KIF17: variants seen among roughly 807,000 people sequenced by gnomAD.
KIF17 encodes kinesin family member 17.
A neutral mutation model predicts 96.8 loss-of-function variants in KIF17; 80 were observed. That is an observed-to-expected ratio of 0.83 (90% CI 0.69 to 1.00). The LOEUF is 1.00. Among genes scored for constraint, KIF17 ranks in the 50% least tolerant of loss-of-function variants. KIF17 has a pLI of 0.00. For missense variants in KIF17, 1,280 were observed against 1,372.9 expected (o/e 0.93, Z 1.07); for synonymous variants, 567 against 587.5 (o/e 0.97, Z 0.51).
intron 3 of KIF17, among the ~76,000 whole-genome samples, chr1:20,711,482 T>A (rs1343660736): frequency 6.6e-6 from 1 of 152,030 alleles, no homozygotes; most frequent in East Asian, 1.9e-4. Flanking sequence ...CAGAGCCGGG[T>A]CACCATGGCA....
chr1:20,704,086 G>C lies in KIF17; in HGVS notation c.1123+361C>G, dbSNP rs1343485521. Among the ~76,000 whole-genome samples, 1 of 146,908 alleles carries C rather than the reference G, an allele frequency of 6.8e-6. No individual in the cohort carries two copies. The highest frequency in any genetic ancestry group is 6.8e-5 in the Admixed American group (1 of 14,662). The stretch of plus-strand genomic sequence containing the variant: ...CAGGTGTGGCCGTGGGGAGTGAGTT[G>C]CCAGCTGCTGAGCAGCGAACACGCA... On this transcript the variant is annotated intron_variant, in intron 5 of 14. Transcript: ENST00000400463. This position sits in a 1 kb window ranked among gnomAD's most constrained non-coding sequence, Gnocchi z 6.8.
rs756546397 is a variant in KIF17 at position 20,682,736 on chromosome 1, C to T, written c.2380G>A (p.Asp794Asn). The T allele has an allele frequency of 6.2e-6, 10 of 1,613,498 alleles. No individual in the cohort carries two copies. Among genetic ancestry groups the T allele is most frequent in the South Asian group, 5.5e-5 (5 of 91,090 alleles). The change falls in exon 11 of 15, where the codon GAC (aspartate) becomes AAC (asparagine). Residue 794 changes from aspartate (D) to asparagine (N), a missense_variant. Transcript: ENST00000400463. ...ALQNSDEDSG[D>N]WVLLNVYDSI... ...TCGTAGACGTTAAGCAGCACCCAGT[C>T]CCCGCTGTCCTCATCCGAGTTCTGC...
At chr1:20,710,101 T>C (rs1389637481) in intron 3 of KIF17, among the ~76,000 whole-genome samples, 1 of 88,576 alleles carries the variant, frequency 1.1e-5, no homozygotes, top group African/African-American at 6.3e-5. Context: ...GAGACAGCTA[T>C]CTCATAGGAT....
Position 20,685,988 on chromosome 1 carries a change from T to C in KIF17, c.2019+58A>G, listed in dbSNP as rs2053930305. ...AGGGAGGGAGAAGACAAGCTGGAGT[T>C]TCCCAGGAAGTTGAAGAGAACCCCG... On this transcript the variant is annotated intron_variant, in intron 9 of 14. Coordinates refer to ENST00000400463, the MANE Select transcript of KIF17 (RefSeq NM_001122819.3). This position sits in a 1 kb window ranked among gnomAD's most constrained non-coding sequence, Gnocchi z 4.1. 1.5e-6 allele frequency: 2 copies of C among 1,364,786 alleles called. No homozygotes were observed. Among genetic ancestry groups the C allele is most frequent in the African/African-American group, 2.9e-5 (2 of 68,754 alleles). 84.5% of individuals were successfully genotyped at this position (1,364,786 alleles called of 1,614,324 possible).
chr1:20,711,259 C>A (rs2054430531), intron 3 of KIF17, among the ~76,000 whole-genome samples: 1 of 152,060 alleles, frequency 6.6e-6, no homozygotes, highest in Admixed American at 6.6e-5. Context: ...CTGAGCAACC[C>A]CAGGAGACAA....
rs115825348 is a variant in KIF17, at chr1:20,664,650, G to A, written c.3021C>T (p.Leu1007=). 176 of 1,613,762 alleles carry A rather than the reference G, an allele frequency of 1.1e-4. 1 individual carries two copies. Among genetic ancestry groups the A allele is most frequent in the Admixed American group, 8.7e-4 (52 of 60,000 alleles). The part of the protein sequence containing the change: ...PQPRPFRLES[L]DIPFTKAKRK... ...GCTTGGCCTTGGTGAAAGGGATGTC[G>A]AGGGACTCGAGGCGGAAGGGCCGGG... Residue 1007 remains leucine (L), a synonymous_variant, in exon 15 of 15, where the codon CTC becomes CTT. Transcript: ENST00000400463.
rs114164909 is a variant in KIF17 at position 20,713,492 on chromosome 1, G to A, written c.442C>T (p.Arg148Trp). Residue 148 changes from arginine to tryptophan, a missense_variant, in exon 3 of 15, where the codon CGG becomes TGG. Transcript: ENST00000400463. The part of the protein sequence containing the change: ...SYLEIYNEDV[R>W]DLLGADTKQK... ...TTGGTGTCAGCCCCAAGGAGGTCCCGGACATCTTCATTGTAGATCTCCAGG... is the reference window on the plus strand; with the variant it reads ...TTGGTGTCAGCCCCAAGGAGGTCCCAGACATCTTCATTGTAGATCTCCAGG... 1.2e-5 allele frequency: 20 copies of A among 1,612,910 alleles called. No homozygotes were observed. The highest frequency in any genetic ancestry group is 3.3e-4 in the Middle Eastern group (2 of 6,080).
Position 20,684,895 on chromosome 1 carries a change from A to G in KIF17, c.2145T>C (p.Gly715=), listed in dbSNP as rs747000949. Residue 715 remains glycine, a synonymous_variant, in exon 10 of 15, where the codon GGT becomes GGC. Transcript: ENST00000400463. ...AQPEPLPATA[G]VKRESVGMEV... Reference sequence around the variant, plus strand: ...CCATGCCCACGCTCTCCCTCTTCACACCAGCTGTGGCCGGCAGGGGCTCAG... The same window carrying G: ...CCATGCCCACGCTCTCCCTCTTCACGCCAGCTGTGGCCGGCAGGGGCTCAG... 1.3e-6 allele frequency: 2 copies of G among 1,597,958 alleles called. No homozygotes were observed. Among genetic ancestry groups the G allele is most frequent in the South Asian group, 2.3e-5 (2 of 88,364 alleles).
At chr1:20,692,339 T>G (rs1463767110) in intron 6 of KIF17, among the ~76,000 whole-genome samples, 1 of 141,508 alleles carries the variant, frequency 7.1e-6, no homozygotes. Context: ...CTTCCTCTAT[T>G]GCTTTTTTTT....
chr1:20,666,457 G>A, intron 13 of KIF17, 126 bp from the exon 14 acceptor site: 1 of 816,724 alleles, frequency 1.2e-6, no homozygotes, highest in Admixed American at 1.7e-5. Flanking sequence ...TCACAGGGCT[G>A]GAGCAGGCAC....
intron 3 of KIF17, 99 bp downstream of exon 3, chr1:20,713,355 C>G (rs187199104): frequency 4.5e-6 from 4 of 894,098 alleles, no homozygotes; most frequent in Non-Finnish European, 7.2e-6. Context: ...CTCCCAGTGC[C>G]GGCACCCTCA....
chr1:20,687,227 CT>C lies in KIF17; in HGVS notation c.1938+160del, dbSNP rs751965217. Among the ~76,000 whole-genome samples the C allele has an allele frequency of 6.6e-6, 1 of 152,228 alleles. No homozygotes were observed. The highest frequency in any genetic ancestry group is 1.5e-5 in the Non-Finnish European group (1 of 68,036). On this transcript the variant is annotated intron_variant, in intron 8 of 14. Transcript: ENST00000400463. The surrounding 1 kb of genome is among the most constrained non-coding windows in gnomAD (Gnocchi z 4.4). ...CCCTAACCCCTGGACACCAGTGCCC[CT>C]GAGCCAGCCACCAGTGCCAGAGCCG...
chr1:20,698,007 C>G (rs1200050740), intron 6 of KIF17, among the ~76,000 whole-genome samples: 4 of 152,220 alleles, frequency 2.6e-5, no homozygotes, highest in African/African-American at 9.7e-5. Flanking sequence ...TGCCTCGCCT[C>G]TGCACAGGCC....
At chr1:20,706,570 G>A (rs1355844261) in intron 4 of KIF17, among the ~76,000 whole-genome samples, 2 of 148,374 alleles carry the variant, frequency 1.3e-5, no homozygotes, top group South Asian at 2.2e-4. Flanking sequence ...CAGCCTGGGC[G>A]ACAGAGCAAG....
At chr1:20,697,327 G>T (rs1360646994) in intron 6 of KIF17, among the ~76,000 whole-genome samples, 1 of 152,240 alleles carries the variant, frequency 6.6e-6, no homozygotes, top group Non-Finnish European at 1.5e-5. Flanking sequence ...GGACTATCAG[G>T]CCCGGCACAG....
At chr1:20,698,312 C>T (rs1570465652) in intron 6 of KIF17, 67 bp downstream of exon 6, 3 of 1,112,680 alleles carry the variant, frequency 2.7e-6, no homozygotes, top group Admixed American at 1.7e-5. Flanking sequence ...CCAGCGGCAG[C>T]CCTGCCCTTC....
intron 3 of KIF17, among the ~76,000 whole-genome samples, chr1:20,710,630 C>T (rs1259188068): frequency 2.0e-5 from 3 of 152,178 alleles, no homozygotes; most frequent in Non-Finnish European, 2.9e-5. Flanking sequence ...GCCAAGTGGT[C>T]CTGTGGGTCA....
At chr1:20,680,079 G>C (rs965820285) in intron 11 of KIF17, among the ~76,000 whole-genome samples, 2 of 152,130 alleles carry the variant, frequency 1.3e-5, no homozygotes, top group African/African-American at 2.4e-5. Context: ...CCACCTCCCA[G>C]GCTCAAGCGA....
intron 5 of KIF17, among the ~76,000 whole-genome samples, chr1:20,703,180 T>TGGACGGATGGAC (rs1553151993): frequency 1.3e-5 from 2 of 149,872 alleles, no homozygotes; most frequent in African/African-American, 4.9e-5. Context: ...GATGGATGAA[T>TGGACGGATGGAC]GGATGGACGG....
Sources: gnomAD v4.1 joint callset for allele counts (sites outside exome capture counted in the v4.1 genomes callset) on GRCh38, gnomAD v4.1.1 for gene constraint, Gnocchi (gnomAD v3.1) non-coding constraint, MANE v1.5 for transcripts, NCBI Gene and HGNC (gene_info 2026-07-23, HGNC 2026-07-21) for gene names.